PTPRD: variants seen among roughly 807,000 people sequenced by gnomAD.
The protein encoded by PTPRD is receptor-type tyrosine-protein phosphatase delta.
In PTPRD, 34 loss-of-function variants were observed where a neutral mutation model predicts 214.5. The observed-to-expected ratio is 0.16, with a 90% CI of 0.12 to 0.21. The LOEUF is 0.21. PTPRD is among the 10% of genes least tolerant of loss of function. The pLI, the probability that PTPRD is intolerant of heterozygous loss-of-function variation, is 1.00. For synonymous variants in PTPRD, 1,128 were observed against 845.7 expected, an observed-to-expected ratio of 1.33 and a Z score of -5.79; for missense variants, 2,545 against 2,398.7, an observed-to-expected ratio of 1.06 and a Z score of -1.27.
chr9:9,654,252 G>A (rs1594342931), intron 7 of PTPRD, among the ~76,000 whole-genome samples: 3 of 152,092 alleles, frequency 2.0e-5, no homozygotes, highest in South Asian at 2.1e-4. Flanking sequence ...AGAGTGAGAA[G>A]CTATAAAAAT....
intron 11 of PTPRD, among the ~76,000 whole-genome samples, chr9:8,979,776 C>T (rs1361037640): frequency 4.6e-5 from 7 of 152,030 alleles, no homozygotes; most frequent in Non-Finnish European, 1.0e-4. Context: ...CATTAGTACA[C>T]TGTTCATGGG....
intron 3 of PTPRD, among the ~76,000 whole-genome samples, chr9:10,211,279 A>G (rs2099515696): frequency 6.6e-6 from 1 of 152,296 alleles, no homozygotes; most frequent in African/African-American, 2.4e-5. Flanking sequence ...AAAAAACTAG[A>G]ATTCTAAAAC....
intron 5 of PTPRD, among the ~76,000 whole-genome samples, chr9:9,890,453 C>T (rs1278778433): frequency 3.3e-5 from 5 of 152,022 alleles, no homozygotes; most frequent in South Asian, 2.1e-4. Context: ...CCTGCCTTGG[C>T]CTCCCAAAAT....
At chr9:10,421,256 C>T (rs965329112) in intron 2 of PTPRD, among the ~76,000 whole-genome samples, 1 of 151,820 alleles carries the variant, frequency 6.6e-6, no homozygotes, top group Non-Finnish European at 1.5e-5. Flanking sequence ...GCACATGCCA[C>T]TTAGACCTCA....
At chr9:10,217,283 C>A (rs892823039) in intron 3 of PTPRD, among the ~76,000 whole-genome samples, 1 of 151,676 alleles carries the variant, frequency 6.6e-6, no homozygotes, top group Non-Finnish European at 1.5e-5. Context: ...CAGGCCAACA[C>A]AGACACGCAG....
chr9:10,125,764 G>C (rs2098814647), intron 3 of PTPRD, among the ~76,000 whole-genome samples: 1 of 151,946 alleles, frequency 6.6e-6, no homozygotes, highest in Non-Finnish European at 1.5e-5. Flanking sequence ...TTATAGGCGT[G>C]AGCCACCGCA....
At chr9:10,600,297 T>C (rs2077636826) in intron 2 of PTPRD, among the ~76,000 whole-genome samples, 1 of 151,794 alleles carries the variant, frequency 6.6e-6, no homozygotes, top group African/African-American at 2.4e-5. Flanking sequence ...TTATCAAAGC[T>C]ACACTTTAAA....
chr9:8,731,769 G>A (rs761809765), intron 12 of PTPRD, among the ~76,000 whole-genome samples: 13 of 151,990 alleles, frequency 8.6e-5, no homozygotes, highest in Admixed American at 1.3e-4. Flanking sequence ...TTCCTCTTTC[G>A]TCAATAACTT....
intron 7 of PTPRD, among the ~76,000 whole-genome samples, chr9:9,580,075 T>C (rs1342810636): frequency 1.3e-5 from 2 of 152,180 alleles, no homozygotes; most frequent in Non-Finnish European, 2.9e-5. Context: ...ATTGTGTGTG[T>C]ATGTCTGCGT....
At chr9:9,622,464 C>A (rs2095277603) in intron 7 of PTPRD, among the ~76,000 whole-genome samples, 2 of 151,956 alleles carry the variant, frequency 1.3e-5, no homozygotes, top group Admixed American at 6.6e-5. Flanking sequence ...ACGTATTGTA[C>A]AAATAAAATG....
At chr9:9,325,987 G>C (rs1293269828) in intron 9 of PTPRD, among the ~76,000 whole-genome samples, 3 of 152,016 alleles carry the variant, frequency 2.0e-5, no homozygotes, top group Admixed American at 6.6e-5. Flanking sequence ...TTATGCGATG[G>C]ACTGTGTTTA....
chr9:10,394,829 G>A (rs1417801882), intron 2 of PTPRD, among the ~76,000 whole-genome samples: 1 of 151,750 alleles, frequency 6.6e-6, no homozygotes, highest in Non-Finnish European at 1.5e-5. Context: ...TTAGAAACTT[G>A]AATGATGTAA....
At position 10,046,209 on chromosome 9, in the gene PTPRD, A is replaced by G. The variant is rs1443383160; in HGVS notation, c.-544-12419T>C. On this transcript the variant is annotated intron_variant, in intron 3 of 45. Transcript: ENST00000381196. ...AATAGATAAACACACAAAAGTACAA[A>G]GCATTAGAGATAATTTCAATATTAT... Among the ~76,000 whole-genome samples, 3 of 151,832 alleles carry G rather than the reference A, an allele frequency of 2.0e-5. No individual in the cohort carries two copies. The East Asian group carries it at 5.8e-4, about 29-fold the overall frequency.
chr9:8,411,901 T>C lies in PTPRD; in HGVS notation c.4087-7241A>G, dbSNP rs150555257. On this transcript the variant is annotated intron_variant, in intron 35 of 45. Coordinates refer to ENST00000381196, the MANE Select transcript of PTPRD (RefSeq NM_002839.4). Reference sequence around the variant, plus strand: ...TTGGAAATCACTTTACAAATACAATTCACAGATTAGAATTTCTGATGTTAT... The same window carrying C: ...TTGGAAATCACTTTACAAATACAATCCACAGATTAGAATTTCTGATGTTAT... Among the ~76,000 whole-genome samples, 44 of 152,310 alleles carry C rather than the reference T, an allele frequency of 2.9e-4. 1 individual carries two copies. The East Asian group carries it at 8.1e-3, about 28-fold the overall frequency.
At chr9:10,500,741 T>A (rs1414732011) in intron 2 of PTPRD, among the ~76,000 whole-genome samples, 1 of 151,690 alleles carries the variant, frequency 6.6e-6, no homozygotes, top group African/African-American at 2.4e-5. Flanking sequence ...CTACTCTCTA[T>A]CTCCATGAAT....
chr9:8,816,251 A>G (rs1270848482), intron 11 of PTPRD, among the ~76,000 whole-genome samples: 1 of 152,202 alleles, frequency 6.6e-6, no homozygotes, highest in East Asian at 1.9e-4. Flanking sequence ...ACAGAATATG[A>G]TCATTGGTCT....
intron 9 of PTPRD, among the ~76,000 whole-genome samples, chr9:9,281,090 C>A (rs911871345): frequency 2.6e-5 from 4 of 151,288 alleles, no homozygotes; most frequent in African/African-American, 9.7e-5. Context: ...AGATCCTACA[C>A]TGCTCCCATA....
At chr9:9,372,948 C>T (rs1186891150) in intron 9 of PTPRD, among the ~76,000 whole-genome samples, 1 of 152,028 alleles carries the variant, frequency 6.6e-6, no homozygotes, top group Admixed American at 6.6e-5. Flanking sequence ...TTTTGAGAAA[C>T]CTTTTAATAT....
intron 10 of PTPRD, among the ~76,000 whole-genome samples, chr9:9,128,992 T>C (rs1569549299): frequency 6.6e-6 from 1 of 152,222 alleles, no homozygotes; most frequent in East Asian, 1.9e-4. Context: ...AAGATTCTAT[T>C]TGGGAAATAT....
Sources: gnomAD v4.1 joint callset for allele counts (sites outside exome capture counted in the v4.1 genomes callset) on GRCh38, gnomAD v4.1.1 for gene constraint, MANE v1.5 for transcripts, NCBI Gene and HGNC (gene_info 2026-07-23, HGNC 2026-07-21) for gene names.